The following USP6NL variants were observed in gnomAD, a reference collection of about 807,000 sequenced individuals.
The protein encoded by USP6NL is USP6 N-terminal like, also known as USP6 N-terminal-like protein.
In USP6NL, 26 loss-of-function variants were observed where a neutral mutation model predicts 61.9. The ratio of observed to expected loss-of-function variants is 0.42; its 90% CI spans 0.31 to 0.58. USP6NL has a LOEUF of 0.58. USP6NL is among the 20% of genes least tolerant of loss of function. The pLI is 0.16. For missense variants in USP6NL, 1,114 were observed against 1,034.3 expected, an observed-to-expected ratio of 1.08 and a Z score of -1.06; for synonymous variants, 432 against 390.1, an observed-to-expected ratio of 1.11 and a Z score of -1.27.
At position 11,479,887 on chromosome 10, in the gene USP6NL, T is replaced by C. The variant is rs574156250; in HGVS notation, c.1078+1883A>G. On this transcript the variant is annotated intron_variant, in intron 14 of 14. Coordinates refer to ENST00000609104, the MANE Select transcript of USP6NL (RefSeq NM_014688.5). The stretch of plus-strand genomic sequence containing the variant: ...ACTGTGCCCAGCCTCATGGAGGTTT[T>C]TAAAAGGACAGATGTGACATGGAAT... 3.1e-3 allele frequency among the ~76,000 whole-genome samples: 468 copies of C among 152,246 alleles called. 1 individual carries two copies. Among genetic ancestry groups the C allele is most frequent in the Non-Finnish European group, 5.2e-3 (351 of 68,028 alleles).
chr10:11,569,072 A>G (rs1433545392), intron 2 of USP6NL, among the ~76,000 whole-genome samples: 1 of 152,242 alleles, frequency 6.6e-6, no homozygotes, highest in Non-Finnish European at 1.5e-5. Context: ...TGTCAAGGGC[A>G]TGAATCCTTT....
rs1836938642 is a variant in USP6NL at position 11,561,727 on chromosome 10, A to C, written c.5-34160T>G. 6.6e-6 allele frequency among the ~76,000 whole-genome samples: 1 copy of C among 152,252 alleles called. No individual in the cohort carries two copies. Among genetic ancestry groups the C allele is most frequent in the Non-Finnish European group, 1.5e-5 (1 of 68,038 alleles). ...GCAGATGCAGAAATGGTATTTCTAT[A>C]GAATACTGACTTGCAGACTAGAATT... On this transcript the variant is annotated intron_variant, in intron 2 of 14. Transcript: ENST00000609104. This position sits in a 1 kb window ranked among gnomAD's most constrained non-coding sequence, Gnocchi z 4.1.
intron 2 of USP6NL, among the ~76,000 whole-genome samples, chr10:11,534,021 A>G (rs1297528515): frequency 6.6e-6 from 1 of 152,082 alleles, no homozygotes; most frequent in African/African-American, 2.4e-5. Flanking sequence ...TGCTAACTCA[A>G]TTTAGCAAGA....
Position 11,462,355 on chromosome 10 carries a change from T to C in USP6NL, c.*86A>G. 6.9e-7 allele frequency: 1 copy of C among 1,441,304 alleles called. No individual in the cohort carries two copies. Among genetic ancestry groups the C allele is most frequent in the South Asian group, 1.4e-5 (1 of 71,232 alleles). The allele number at this position is 1,441,304 out of a possible 1,614,324, so 89.3% of individuals were successfully genotyped here. On this transcript the variant is annotated 3_prime_UTR_variant, in exon 15 of 15. Coordinates refer to ENST00000609104, the MANE Select transcript of USP6NL (RefSeq NM_014688.5). ...GAGATGTGCGAGTTGTTTACAATAG[T>C]ATAAATACTGCTTTGGCAATTATGA...
chr10:11,607,768 G>A (rs535842625), intron 1 of USP6NL, among the ~76,000 whole-genome samples: 1 of 152,266 alleles, frequency 6.6e-6, no homozygotes, highest in African/African-American at 2.4e-5. Flanking sequence ...AATACATTAA[G>A]AAGATTAAAA....
At chr10:11,576,633 C>T (rs1327322954) in intron 2 of USP6NL, among the ~76,000 whole-genome samples, 2 of 152,228 alleles carry the variant, frequency 1.3e-5, no homozygotes, top group Admixed American at 1.3e-4. Context: ...ACTTCCCAGC[C>T]TCCAGAACTG....
chr10:11,539,872 G>C (rs1441400428), intron 2 of USP6NL, among the ~76,000 whole-genome samples: 1 of 152,198 alleles, frequency 6.6e-6, no homozygotes, highest in Non-Finnish European at 1.5e-5. Flanking sequence ...AAAAGCCTAT[G>C]TTAGTTTTTA....
rs199510041 is a variant in USP6NL at position 11,562,293 on chromosome 10, AC to A, written c.5-34727del. ...AAAAAAAAAAAATTGCATTCCCAGG[AC>A]CCCCCTGCAGCTAGCAGCAGCCATG... On this transcript the variant is annotated intron_variant, in intron 2 of 14. Transcript: ENST00000609104. The surrounding 1 kb of genome is among the most constrained non-coding windows in gnomAD (Gnocchi z 4.8). The A allele has an allele frequency of 2.8e-5, 20 of 715,470 alleles. No homozygotes were observed. Among genetic ancestry groups the A allele is most frequent in the Non-Finnish European group, 3.4e-5 (20 of 583,810 alleles). The allele number at this position is 715,470 out of a possible 1,614,324, so 44.3% of individuals were successfully genotyped here. A position where few individuals can be genotyped will look rare whatever the true frequency, so the allele number is the denominator to read the frequency against.
At chr10:11,583,263 A>G (rs1837848972) in intron 2 of USP6NL, among the ~76,000 whole-genome samples, 1 of 143,526 alleles carries the variant, frequency 7.0e-6, no homozygotes, top group African/African-American at 2.6e-5. Flanking sequence ...ATCTCTGCTC[A>G]CTGCAAGCTC....
chr10:11,501,927 G>A (rs982837730), intron 6 of USP6NL, among the ~76,000 whole-genome samples: 1 of 152,066 alleles, frequency 6.6e-6, no homozygotes, highest in African/African-American at 2.4e-5. Context: ...TCTTCATCAA[G>A]GGAAGACATC....
rs537580470 is a variant in USP6NL, at chr10:11,484,888, T to C, written c.925+83A>G. 109 of 1,071,550 alleles carry C rather than the reference T, an allele frequency of 1.0e-4. No homozygotes were observed. The East Asian group carries it at 2.8e-3, about 27-fold the overall frequency. 66.4% of individuals were successfully genotyped at this position (1,071,550 alleles called of 1,614,324 possible). A position where few individuals can be genotyped will look rare whatever the true frequency, so the allele number is the denominator to read the frequency against. On this transcript the variant is annotated intron_variant, in intron 13 of 14. Transcript: ENST00000609104. The stretch of plus-strand genomic sequence containing the variant: ...AAACCACTATTAAAAGACAATGAAG[T>C]TGAAGTGGGTGGGGAATGAGAAATC...
chr10:11,562,210 C>T lies in USP6NL; in HGVS notation c.5-34643G>A, dbSNP rs1301619894. 1.3e-5 allele frequency among the ~76,000 whole-genome samples: 2 copies of T among 150,200 alleles called. No homozygotes were observed. The highest frequency in any genetic ancestry group is 6.7e-5 in the Admixed American group (1 of 14,974). Reference sequence around the variant, plus strand: ...CCGGTAGGCGGAGGTTGCAGTGAGCCGAGATCGCACCACTGCACGCCAGCC... The same window carrying T: ...CCGGTAGGCGGAGGTTGCAGTGAGCTGAGATCGCACCACTGCACGCCAGCC... On this transcript the variant is annotated intron_variant, in intron 2 of 14. Transcript: ENST00000609104. This position sits in a 1 kb window ranked among gnomAD's most constrained non-coding sequence, Gnocchi z 4.8.
At chr10:11,535,584 CAA>C (rs1203115330) in intron 2 of USP6NL, among the ~76,000 whole-genome samples, 9 of 152,152 alleles carry the variant, frequency 5.9e-5, no homozygotes, top group Admixed American at 1.3e-4. Context: ...CCTTTTAGCC[CAA>C]AAGAGACTGA....
chr10:11,554,820 G>A (rs1288067494), intron 2 of USP6NL, among the ~76,000 whole-genome samples: 1 of 141,126 alleles, frequency 7.1e-6, no homozygotes, highest in East Asian at 2.1e-4. Flanking sequence ...TTTTTTTTGA[G>A]GCAGAGTCTT....
chr10:11,519,585 G>A (rs540811674), intron 4 of USP6NL, among the ~76,000 whole-genome samples: 11 of 152,254 alleles, frequency 7.2e-5, no homozygotes, highest in South Asian at 2.1e-4. Context: ...AGCTGAGACC[G>A]CGCCATTGCA....
chr10:11,492,745 T>C (rs566326392), intron 8 of USP6NL, among the ~76,000 whole-genome samples: 1 of 152,368 alleles, frequency 6.6e-6, no homozygotes, highest in South Asian at 2.1e-4. Flanking sequence ...TCTCATTTCA[T>C]GTCCCTTTTT....
intron 2 of USP6NL, among the ~76,000 whole-genome samples, chr10:11,580,071 T>G (rs943245110): frequency 6.6e-6 from 1 of 150,842 alleles, no homozygotes; most frequent in African/African-American, 2.4e-5. Flanking sequence ...CATCCTACAA[T>G]TTACGTAACA....
intron 14 of USP6NL, among the ~76,000 whole-genome samples, chr10:11,473,760 C>G (rs1463015600): frequency 6.6e-6 from 1 of 152,048 alleles, no homozygotes; most frequent in Non-Finnish European, 1.5e-5. Flanking sequence ...TCGCAAACTC[C>G]CCATGAAAAC....
intron 14 of USP6NL, among the ~76,000 whole-genome samples, chr10:11,469,233 CT>C (rs1832619624): frequency 6.6e-6 from 1 of 152,210 alleles, no homozygotes; most frequent in East Asian, 1.9e-4. Context: ...TTCCCTCCCC[CT>C]AGTAGGCTAT....
Sources: gnomAD v4.1 joint callset for allele counts (sites outside exome capture counted in the v4.1 genomes callset) on GRCh38, gnomAD v4.1.1 for gene constraint, Gnocchi (gnomAD v3.1) non-coding constraint, MANE v1.5 for transcripts, NCBI Gene and HGNC (gene_info 2026-07-23, HGNC 2026-07-21) for gene names.